The following RUBCN variants were observed in gnomAD, a reference collection of about 807,000 sequenced individuals.
The protein encoded by RUBCN is rubicon autophagy regulator.
Under a neutral mutation model 113.2 loss-of-function variants are expected in RUBCN, and 74 were observed. The ratio of observed to expected loss-of-function variants is 0.65; its 90% CI spans 0.54 to 0.79. The LOEUF is 0.79. RUBCN is among the 30% of genes least tolerant of loss of function. The pLI, the probability that RUBCN is intolerant of heterozygous loss-of-function variation, is 0.00. For missense variants in RUBCN, 1,109 were observed against 1,251.7 expected (o/e 0.89, Z 1.72); for synonymous variants, 480 against 490.0 (o/e 0.98, Z 0.27).
intron 9 of RUBCN, 115 bp from the exon 10 acceptor site, chr3:197,694,700 T>C: frequency 2.3e-6 from 2 of 870,974 alleles, no homozygotes; most frequent in East Asian, 2.6e-5. Flanking sequence ...AAAAACACCC[T>C]GGAGAAATGG....
intron 1 of RUBCN, chr3:197,748,575 G>A (rs1014492297): frequency 8.5e-5 from 13 of 152,156 alleles, no homozygotes; most frequent in African/African-American, 3.1e-4. Flanking sequence ...AAAAAGTCAT[G>A]GTTCTTTGAG....
chr3:197,704,740 G>A, intron 3 of RUBCN, 39 bp from the exon 4 acceptor site: 1 of 1,605,992 alleles, frequency 6.2e-7, no homozygotes, highest in Non-Finnish European at 8.5e-7. Context: ...CACACATCCT[G>A]GTAGATACGG....
intron 7 of RUBCN, 157 bp downstream of exon 7, chr3:197,700,456 A>G (rs1029656184): frequency 9.0e-6 from 6 of 669,192 alleles, no homozygotes; most frequent in Non-Finnish European, 1.6e-5. Flanking sequence ...TTTGAGTCTC[A>G]GTATTTCGTT....
chr3:197,717,257 C>A, intron 2 of RUBCN, among the ~76,000 whole-genome samples: 2 of 151,890 alleles, frequency 1.3e-5, no homozygotes, highest in Non-Finnish European at 2.9e-5. Context: ...TCCTGGCTAA[C>A]ACGGTGAAAC....
At position 197,674,979 on chromosome 3, in the gene RUBCN, G is replaced by A. The variant is rs1458525376; in HGVS notation, c.*39C>T. Reference sequence around the variant, plus strand: ...AAAGAGTGGCTCAGTTCTGCAACAGGTGTGACCCGGCCCGGAGGGAGGGCT... The same window carrying A: ...AAAGAGTGGCTCAGTTCTGCAACAGATGTGACCCGGCCCGGAGGGAGGGCT... On this transcript the variant is annotated 3_prime_UTR_variant, in exon 20 of 20. Coordinates refer to ENST00000296343, the MANE Select transcript of RUBCN (RefSeq NM_014687.4). 3 of 1,602,314 alleles carry A rather than the reference G, an allele frequency of 1.9e-6. No individual in the cohort carries two copies. The highest frequency in any genetic ancestry group is 2.7e-5 in the African/African-American group (2 of 74,758).
intron 9 of RUBCN, among the ~76,000 whole-genome samples, chr3:197,695,000 G>C (rs75489167): frequency 0.017 from 2,591 of 152,326 alleles, 43 homozygotes; most frequent in South Asian, 0.043. Flanking sequence ...TTTGATTCTG[G>C]AAACAGTATT....
chr3:197,748,534 A>C (rs147988003), intron 1 of RUBCN: 1 of 152,222 alleles, frequency 6.6e-6, no homozygotes, highest in South Asian at 2.1e-4. Context: ...AAAATCATAC[A>C]TTTCCCCAAG....
chr3:197,727,605 G>A (rs910685363), intron 1 of RUBCN, among the ~76,000 whole-genome samples: 1 of 152,204 alleles, frequency 6.6e-6, no homozygotes, highest in African/African-American at 2.4e-5. Flanking sequence ...CCAAGGTCAG[G>A]TCTGCAGGTA....
chr3:197,745,284 CAAA>C (rs35402850), intron 1 of RUBCN, among the ~76,000 whole-genome samples: 1 of 137,646 alleles, frequency 7.3e-6, no homozygotes. Flanking sequence ...GATGCTGTCT[CAAA>C]AAAAAAAAAA....
rs767435364 is a variant in RUBCN, at chr3:197,718,105, T to C, written c.91A>G (p.Asn31Asp). 1.9e-6 allele frequency: 3 copies of C among 1,614,070 alleles called. No individual in the cohort carries two copies. Among genetic ancestry groups the C allele is most frequent in the Admixed American group, 3.3e-5 (2 of 60,008 alleles). Residue 31 changes from asparagine (N) to aspartate (D), a missense_variant, in exon 2 of 20, where the codon AAT becomes GAT. Physicochemically the swap from Asn to Asp is conservative, Grantham distance 23 (BLOSUM62 1). Around this residue, in one of 3 missense-constraint regions of RUBCN, gnomAD observed 736 missense variants for 779.6 expected, o/e 0.94. Transcript: ENST00000296343. ...AAACCCTCCACCGTCGTCTTCAAAT[T>C]ACCCAGCAACTGCCAGTGCTCCCTC... ...SRREHWQLLG[N>D]LKTTVEGLVS...
intron 1 of RUBCN, among the ~76,000 whole-genome samples, chr3:197,733,656 G>GC (rs1215080025): frequency 6.6e-6 from 1 of 152,098 alleles, no homozygotes; most frequent in African/African-American, 2.4e-5. Flanking sequence ...AGCTAAGGAG[G>GC]CCATCAGTAC....
At chr3:197,706,253 C>G (rs1724286786) in intron 2 of RUBCN, among the ~76,000 whole-genome samples, 1 of 152,192 alleles carries the variant, frequency 6.6e-6, no homozygotes, top group East Asian at 1.9e-4. Context: ...CACGCTGGGA[C>G]AGGCCTCAAC....
At position 197,681,343 on chromosome 3, in the gene RUBCN, C is replaced by T. The variant is rs772968507; in HGVS notation, c.2216G>A (p.Cys739Tyr). 1 of 1,613,064 alleles carries T rather than the reference C, an allele frequency of 6.2e-7. No homozygotes were observed. The highest frequency in any genetic ancestry group is 1.3e-5 in the African/African-American group (1 of 74,910). Residue 739 changes from cysteine to tyrosine, a missense_variant, in exon 16 of 20, where the codon TGT becomes TAT. Physicochemically the swap from Cys to Tyr is radical, Grantham distance 194 (BLOSUM62 -2). Around this residue, in one of 3 missense-constraint regions of RUBCN, gnomAD observed 306 missense variants for 348.9 expected, o/e 0.88. Transcript: ENST00000296343. The surrounding 1 kb of genome is among the most constrained non-coding windows in gnomAD (Gnocchi z 5.5). ...DPDYIKRLRY[C>Y]EYLGKYFCQC... ...GCAGAAGTACTTGCCCAGGTACTCA[C>T]AGTACCGCAGTCGCTTGATGTAATC...
In RUBCN at chr3:197,681,944, G is replaced by A; in HGVS notation, c.2127-45C>T. ...GGGCATTGGCACAGAGCAGCTGCGT[G>A]AGACCTTGGAGGTGTGAAGGAGTGA... On this transcript the variant is annotated intron_variant, in intron 14 of 19. Coordinates refer to ENST00000296343, the MANE Select transcript of RUBCN (RefSeq NM_014687.4). This position sits in a 1 kb window ranked among gnomAD's most constrained non-coding sequence, Gnocchi z 5.5. 1 of 1,469,752 alleles carries A rather than the reference G, an allele frequency of 6.8e-7. No individual in the cohort carries two copies. The highest frequency in any genetic ancestry group is 9.5e-7 in the Non-Finnish European group (1 of 1,048,904). 91.0% of individuals were successfully genotyped at this position (1,469,752 alleles called of 1,614,324 possible). A position where few individuals can be genotyped will look rare whatever the true frequency, so the allele number is the denominator to read the frequency against.
intron 3 of RUBCN, 43 bp downstream of exon 3, chr3:197,705,049 A>T: frequency 6.9e-7 from 1 of 1,457,244 alleles, no homozygotes; most frequent in Non-Finnish European, 9.6e-7. Context: ...AACAGTGAAG[A>T]CCCACAGCTC....
intron 16 of RUBCN, among the ~76,000 whole-genome samples, chr3:197,678,702 A>G (rs1720789455): frequency 6.8e-6 from 1 of 146,270 alleles, no homozygotes; most frequent in African/African-American, 2.6e-5. Context: ...AGACTGTCGT[A>G]TGCTCTAACT....
At chr3:197,678,015 G>A (rs1300757739) in intron 16 of RUBCN, among the ~76,000 whole-genome samples, 2 of 122,880 alleles carry the variant, frequency 1.6e-5, no homozygotes, top group Non-Finnish European at 3.4e-5. Flanking sequence ...ACTGTCCCAC[G>A]CTCTAACTCG....
At chr3:197,703,763 G>C in intron 4 of RUBCN, 109 bp from the exon 5 acceptor site, 1 of 733,250 alleles carries the variant, frequency 1.4e-6, no homozygotes. Flanking sequence ...GAGGGTGAAG[G>C]CAGATCAGAA....
chr3:197,684,671 C>T lies in RUBCN; in HGVS notation c.1787-454G>A, dbSNP rs561398286. On this transcript the variant is annotated intron_variant, in intron 11 of 19. Transcript: ENST00000296343. Reference sequence around the variant, plus strand: ...TTATATATATATACATATATATATACACACACACATATATACACATATATA... The same window carrying T: ...TTATATATATATACATATATATATATACACACACATATATACACATATATA... Among the ~76,000 whole-genome samples, 4 of 151,356 alleles carry T rather than the reference C, an allele frequency of 2.6e-5. No individual in the cohort carries two copies. The South Asian group carries it at 6.3e-4, about 24-fold the overall frequency.
Sources: allele counts gnomAD v4.1 joint callset (sites outside exome capture counted in the v4.1 genomes callset), GRCh38; gene constraint gnomAD v4.1.1; regional missense constraint gnomAD v4.1.1; non-coding constraint Gnocchi (gnomAD v3.1); transcripts MANE v1.5; gene names NCBI Gene and HGNC (gene_info 2026-07-23, HGNC 2026-07-21).